Variants in C5 observed in about 807,000 individuals in gnomAD.
The protein encoded by C5 is C3 and PZP-like alpha-2-macroglobulin domain-containing protein 4.
Under a neutral mutation model 218.8 loss-of-function variants are expected in C5, and 140 were observed. That is an observed-to-expected ratio of 0.64 (90% confidence interval 0.56 to 0.74). The LOEUF (loss-of-function observed/expected upper bound fraction) is 0.74, where lower values mean the gene tolerates loss of function less well. Ranked by LOEUF, C5 falls within the 30% of genes least tolerant of loss-of-function variation. The probability of loss-of-function intolerance (pLI) is 0.00; values close to 1 mark genes in which losing one functional copy is unlikely to be tolerated. For missense variants in C5, 1,700 were observed against 1,969.6 expected (o/e 0.86, Z 2.59); for synonymous variants, 614 against 682.3 (o/e 0.90, Z 1.56).
chr9:120,983,847 T>C (rs1231016432), intron 25 of C5, among the ~76,000 whole-genome samples: 2 of 151,990 alleles, frequency 1.3e-5, no homozygotes, highest in Non-Finnish European at 1.5e-5. Context: ...ATGAAAAGTC[T>C]CCTTCTAGCA....
At chr9:120,998,198 G>A (rs41309890) in intron 20 of C5, among the ~76,000 whole-genome samples, 2,883 of 152,278 alleles carry the variant, frequency 0.019, 79 homozygotes, top group African/African-American at 0.066. Flanking sequence ...TAATCCCTTA[G>A]ATTCTAAGGC....
At chr9:120,989,016 T>C (rs375503614) in intron 25 of C5, 30 bp downstream of exon 25, 2 of 1,506,216 alleles carry the variant, frequency 1.3e-6, no homozygotes, top group African/African-American at 1.4e-5. Context: ...AACCACTATA[T>C]GAAAATGCAA....
chr9:121,025,408 AAAAG>A (rs754425005), intron 9 of C5, 42 bp downstream of exon 9: 36 of 1,254,900 alleles, frequency 2.9e-5, no homozygotes, highest in African/African-American at 2.8e-4. Context: ...AATATTTTTC[AAAAG>A]AAAGTATACA....
Position 120,974,758 on chromosome 9 carries a change from TACAGA to T in C5, c.4017+16_4017+20del. On this transcript the variant is annotated intron_variant, in intron 30 of 40. Coordinates refer to ENST00000223642, the MANE Select transcript of C5 (RefSeq NM_001735.3). ...ATGGTCTCAGCCAATTGTAAAATAC[TACAGA>T]AAGTTCTTCATTTACCTCTACTGGC... 3 of 1,603,916 alleles carry T rather than the reference TACAGA, an allele frequency of 1.9e-6. No homozygotes were observed. The highest frequency in any genetic ancestry group is 2.6e-6 in the Non-Finnish European group (3 of 1,170,928).
At position 121,000,045 on chromosome 9, in the gene C5, C is replaced by A. The variant is rs139479771; in HGVS notation, c.2563-2271G>T. The stretch of plus-strand genomic sequence containing the variant: ...TTGCACTCCAGCCTGGGCGACAGGG[C>A]GAGACTCTGTCTCAAAAAAAAAAAA... On this transcript the variant is annotated intron_variant, in intron 20 of 40. Transcript: ENST00000223642. 4.8e-3 allele frequency: 1,118 copies of A among 234,552 alleles called. 11 individuals carry two copies. The highest frequency in any genetic ancestry group is 7.3e-3 in the Non-Finnish European group (882 of 121,042). 14.5% of individuals were successfully genotyped at this position (234,552 alleles called of 1,614,324 possible). A position where few individuals can be genotyped will look rare whatever the true frequency, so the allele number is the denominator to read the frequency against.
Position 120,989,777 on chromosome 9 carries a change from A to G in C5, c.2945T>C (p.Leu982Pro). The G allele has an allele frequency of 2.5e-6, 4 of 1,613,634 alleles. No individual in the cohort carries two copies. Among genetic ancestry groups the G allele is most frequent in the Non-Finnish European group, 3.4e-6 (4 of 1,179,530 alleles). Residue 982 changes from leucine (L) to proline (P), a missense_variant, in exon 24 of 41, where the codon CTG becomes CCG. Physicochemically the swap from Leu to Pro is moderately conservative, Grantham distance 98. Coordinates refer to ENST00000223642, the MANE Select transcript of C5 (RefSeq NM_001735.3). The part of the protein sequence containing the change: ...EIKRILSVKG[L>P]LVGEILSAVL... ...TGCAGACAAGATCTCACCTACAAGCAGTCCTGAAACAAAAAAGATCAAAGT... is the reference window on the plus strand; with the variant it reads ...TGCAGACAAGATCTCACCTACAAGCGGTCCTGAAACAAAAAAGATCAAAGT...
chr9:120,963,399 C>T lies in C5; in HGVS notation c.4323+237G>A, dbSNP rs192259147. On this transcript the variant is annotated intron_variant, in intron 34 of 40. Coordinates refer to ENST00000223642, the MANE Select transcript of C5 (RefSeq NM_001735.3). ...GTGCATGCCTGTAATCCCAGCTACT[C>T]GGGAGGCTGAGGCAGGAGAATCACT... Among the ~76,000 whole-genome samples the T allele has an allele frequency of 1.5e-3, 233 of 151,702 alleles. 3 individuals carry two copies. The highest frequency in any genetic ancestry group is 6.9e-4 in the Non-Finnish European group (47 of 67,926).
intron 20 of C5, among the ~76,000 whole-genome samples, chr9:120,998,933 G>A (rs1167614849): frequency 6.6e-6 from 1 of 152,180 alleles, no homozygotes; most frequent in Non-Finnish European, 1.5e-5. Context: ...AAAACAGAAA[G>A]TTCCTTTTCC....
intron 40 of C5, 117 bp from the exon 41 acceptor site, chr9:120,952,985 G>A (rs934641791): frequency 4.2e-5 from 44 of 1,057,718 alleles, no homozygotes; most frequent in African/African-American, 2.8e-4. Flanking sequence ...GTGCAGTGGC[G>A]TGATCTCAGC....
chr9:121,032,927 C>G (rs12347316), intron 5 of C5, among the ~76,000 whole-genome samples: 115,146 of 151,962 alleles, frequency 0.76, 43,937 homozygotes, highest in East Asian at 0.96. Context: ...CTTGAGCCCG[C>G]GAGATCAAGG....
chr9:120,999,895 T>G, intron 20 of C5: 1 of 451,582 alleles, frequency 2.2e-6, no homozygotes, highest in South Asian at 1.6e-5. Context: ...CATGACACTT[T>G]AAAATGCTGT....
At chr9:121,007,761 G>A (rs2047227640) in intron 18 of C5, among the ~76,000 whole-genome samples, 4 of 152,198 alleles carry the variant, frequency 2.6e-5, no homozygotes, top group African/African-American at 9.6e-5. Flanking sequence ...GGTAGTGTGG[G>A]GAGCAGTGGC....
At chr9:121,005,826 T>G in intron 20 of C5, 93 bp downstream of exon 20, 1 of 1,301,736 alleles carries the variant, frequency 7.7e-7, no homozygotes, top group South Asian at 1.2e-5. Flanking sequence ...TGAGTTGAAC[T>G]TCTACTTTTT....
chr9:121,000,646 G>A (rs879453651), intron 20 of C5, among the ~76,000 whole-genome samples: 2 of 152,106 alleles, frequency 1.3e-5, no homozygotes, highest in Admixed American at 6.5e-5. Context: ...AACTATAAAA[G>A]TACTATAGAA....
chr9:121,043,006 G>T lies in C5; in HGVS notation c.419C>A (p.Ser140Ter). Residue 140 changes from serine to a stop codon, truncating the protein, a stop_gained and splice_region_variant, in exon 3 of 41, where the codon TCA becomes TAA. Coordinates refer to ENST00000223642, the MANE Select transcript of C5 (RefSeq NM_001735.3). LOFTEE classifies it high-confidence loss of function. ...GGAAGAAATATCTTATAATCTACCT[G>T]ACTGGTCTGGAGTATAAACAGGTTT... ...TDKPVYTPDQSVKVRVYSLND... is the reference protein window; with the variant it reads ...TDKPVYTPDQ The T allele has an allele frequency of 1.2e-6, 2 of 1,609,494 alleles. No homozygotes were observed. Among genetic ancestry groups the T allele is most frequent in the South Asian group, 2.2e-5 (2 of 90,906 alleles).
chr9:120,987,868 C>T (rs2047045795), intron 25 of C5, among the ~76,000 whole-genome samples: 1 of 151,982 alleles, frequency 6.6e-6, no homozygotes, highest in Non-Finnish European at 1.5e-5. Context: ...TCTCGGCTCA[C>T]TGTAACCCTT....
At chr9:121,018,980 A>G (rs2047340618) in intron 12 of C5, among the ~76,000 whole-genome samples, 1 of 152,202 alleles carries the variant, frequency 6.6e-6, no homozygotes, top group South Asian at 2.1e-4. Context: ...CTAGTAAATT[A>G]GAGAGCTAAA....
chr9:121,046,578 G>A (rs2047629737), intron 1 of C5, among the ~76,000 whole-genome samples, 195 bp from the exon 2 acceptor site: 1 of 152,150 alleles, frequency 6.6e-6, no homozygotes, highest in Admixed American at 6.6e-5. Flanking sequence ...TTGGAATTAA[G>A]ACCTGAGAAG....
At chr9:121,042,338 A>G (rs1026778182) in intron 3 of C5, among the ~76,000 whole-genome samples, 1 of 152,216 alleles carries the variant, frequency 6.6e-6, no homozygotes, top group African/African-American at 2.4e-5. Context: ...TTTGCCTCTA[A>G]CAGAAGAACC....
Sources: gnomAD v4.1 joint callset for allele counts (sites outside exome capture counted in the v4.1 genomes callset) on GRCh38, gnomAD v4.1.1 for gene constraint, MANE v1.5 for transcripts, NCBI Gene and HGNC (gene_info 2026-07-23, HGNC 2026-07-21) for gene names.